NPAS3: variants seen among roughly 807,000 people sequenced by gnomAD.
NPAS3 encodes the protein neuronal PAS domain protein 3.
Under a neutral mutation model 73.1 loss-of-function variants are expected in NPAS3, and 14 were observed. That is an observed-to-expected ratio of 0.19 (90% CI 0.13 to 0.30). The LOEUF (loss-of-function observed/expected upper bound fraction) is 0.30. Among genes scored for constraint, NPAS3 ranks in the 10% least tolerant of loss-of-function variants. The pLI, the probability that NPAS3 is intolerant of heterozygous loss-of-function variation, is 1.00. For synonymous variants in NPAS3, 620 were observed against 541.5 expected, an observed-to-expected ratio of 1.14 and a Z score of -2.01; for missense variants, 1,096 against 1,250.0, an observed-to-expected ratio of 0.88 and a Z score of 1.86.
chr14:33,615,772 G>T (rs1049196223), intron 5 of NPAS3, among the ~76,000 whole-genome samples: 1 of 152,136 alleles, frequency 6.6e-6, no homozygotes, highest in African/African-American at 2.4e-5. Flanking sequence ...TGCATGCTGA[G>T]AATCCCCGTA....
intron 4 of NPAS3, among the ~76,000 whole-genome samples, chr14:33,452,096 C>T (rs1007906295): frequency 2.6e-5 from 4 of 152,162 alleles, no homozygotes; most frequent in Admixed American, 6.5e-5. Context: ...TATCCCAGAA[C>T]CTGGCTGAAG....
Position 33,680,957 on chromosome 14 carries a change from C to T in NPAS3, c.733+4572C>T, listed in dbSNP as rs113441161. Reference sequence around the variant, plus strand: ...TATGATTTTTATGCTATTATACTTACGCTATGTCCCGAATGTTTTTAAGGC... The same window carrying T: ...TATGATTTTTATGCTATTATACTTATGCTATGTCCCGAATGTTTTTAAGGC... On this transcript the variant is annotated intron_variant, in intron 6 of 11. Coordinates refer to ENST00000356141, the Ensembl canonical transcript of NPAS3. 7.1e-3 allele frequency: 2,029 copies of T among 286,314 alleles called. 35 individuals are homozygous for T. The highest frequency in any genetic ancestry group is 0.041 in the African/African-American group (1,863 of 45,786). The allele number at this position is 286,314 out of a possible 1,614,324, so 17.7% of individuals were successfully genotyped here.
chr14:33,371,348 G>T (rs2046079365), intron 4 of NPAS3, among the ~76,000 whole-genome samples: 1 of 152,130 alleles, frequency 6.6e-6, no homozygotes, highest in Non-Finnish European at 1.5e-5. Flanking sequence ...GGTAAAGAAA[G>T]GGTGGGAAAT....
At chr14:33,756,161 C>T (rs1469785813) in intron 7 of NPAS3, among the ~76,000 whole-genome samples, 2 of 151,986 alleles carry the variant, frequency 1.3e-5, no homozygotes, top group African/African-American at 4.8e-5. Flanking sequence ...TTTATGTATC[C>T]CTCTTTGCAT....
In NPAS3 at chr14:33,454,826, A is replaced by T. The variant is rs575791674; in HGVS notation, c.468+87558A>T. Among the ~76,000 whole-genome samples the T allele has an allele frequency of 1.3e-5, 2 of 152,282 alleles. 1 individual carries two copies. Among genetic ancestry groups the T allele is most frequent in the South Asian group, 4.2e-4 (2 of 4,814 alleles). On this transcript the variant is annotated intron_variant, in intron 4 of 11. Transcript: ENST00000356141. ...GTATGTGTATCTGGGGAGAAAAATG[A>T]GGTGATACTGATGGGAGTACCTGTT... is the stretch of plus-strand genomic sequence containing the variant.
intron 7 of NPAS3, among the ~76,000 whole-genome samples, chr14:33,736,534 G>T (rs914245918): frequency 6.6e-6 from 1 of 152,166 alleles, no homozygotes; most frequent in Non-Finnish European, 1.5e-5. Flanking sequence ...AAAGAAAACA[G>T]ACCCTATCCT....
intron 2 of NPAS3, among the ~76,000 whole-genome samples, chr14:33,085,996 T>C (rs1336274661): frequency 6.6e-6 from 1 of 152,146 alleles, no homozygotes; most frequent in Non-Finnish European, 1.5e-5. Flanking sequence ...AGGCATATTG[T>C]CTCTTGGCAT....
At chr14:33,324,562 C>CT (rs2043605255) in intron 3 of NPAS3, among the ~76,000 whole-genome samples, 2 of 152,098 alleles carry the variant, frequency 1.3e-5, no homozygotes, top group Non-Finnish European at 2.9e-5. Context: ...CTGCGAAAAT[C>CT]TTTTGATTAT....
rs188329417 is a variant in NPAS3, at chr14:33,646,295, G to A, written c.559-29916G>A. ...GATATCATATGTACAAAGGAGTAGG[G>A]GAAATGCCATCTATAAGAATAATCC... is the stretch of plus-strand genomic sequence containing the variant. On this transcript the variant is annotated intron_variant, in intron 5 of 11. Coordinates refer to ENST00000356141, the Ensembl canonical transcript of NPAS3. Among the ~76,000 whole-genome samples the A allele has an allele frequency of 1.5e-3, 225 of 152,114 alleles. 1 individual carries two copies. The highest frequency in any genetic ancestry group is 2.7e-3 in the Non-Finnish European group (181 of 68,002).
In NPAS3 at chr14:33,472,024, C is replaced by G. The variant is rs893881385; in HGVS notation, c.469-88097C>G. On this transcript the variant is annotated intron_variant, in intron 4 of 11. Coordinates refer to ENST00000356141, the Ensembl canonical transcript of NPAS3. ...CTAATGGCTGATGATCTGTCACTGT[C>G]TCCCTCTCTGCCCTCATGGAGCTTG... 7.9e-5 allele frequency among the ~76,000 whole-genome samples: 12 copies of G among 152,332 alleles called. No homozygotes were observed. In the East Asian group the frequency reaches 2.3e-3, roughly 29 times the overall value.
rs547915681 is a variant in NPAS3 at position 33,701,864 on chromosome 14, A to C, written c.733+25479A>C. On this transcript the variant is annotated intron_variant, in intron 6 of 11. Transcript: ENST00000356141. ...TTTAACCCAAATTCTGTGTGCAGAG[A>C]TATCTACCAAATGCTTTGGAGGCTA... Among the ~76,000 whole-genome samples, 4 of 151,890 alleles carry C rather than the reference A, an allele frequency of 2.6e-5. No homozygotes were observed. In the South Asian group the frequency reaches 6.2e-4, roughly 24 times the overall value.
In NPAS3 at chr14:33,398,908, TG is replaced by T. The variant is rs1594834831; in HGVS notation, c.468+31641del. Among the ~76,000 whole-genome samples, 13 of 152,248 alleles carry T rather than the reference TG, an allele frequency of 8.5e-5. No individual in the cohort carries two copies. The East Asian group carries it at 2.5e-3, about 29-fold the overall frequency. On this transcript the variant is annotated intron_variant, in intron 4 of 11. Transcript: ENST00000356141. ...CTAAGGGGCTCCTGAGGTTATATTT[TG>T]CTACAATATGAAAATTAATTGTGAC...
At chr14:33,202,412 AAG>A (rs1294746796) in intron 2 of NPAS3, among the ~76,000 whole-genome samples, 7 of 152,200 alleles carry the variant, frequency 4.6e-5, no homozygotes, top group African/African-American at 1.7e-4. Context: ...TAAAAAAAAA[AAG>A]AGAGAAATGT....
intron 3 of NPAS3, among the ~76,000 whole-genome samples, chr14:33,260,670 C>A (rs2048943730): frequency 6.6e-6 from 1 of 152,108 alleles, no homozygotes; most frequent in Admixed American, 6.5e-5. Flanking sequence ...CTGTTTCTCA[C>A]CGATAACAGT....
chr14:33,509,789 T>C (rs1355384716), intron 4 of NPAS3, among the ~76,000 whole-genome samples: 1 of 152,048 alleles, frequency 6.6e-6, no homozygotes, highest in Non-Finnish European at 1.5e-5. Flanking sequence ...TGAAAGCTCT[T>C]TATGACTCTT....
At chr14:33,317,904 A>T (rs2043274953) in intron 3 of NPAS3, among the ~76,000 whole-genome samples, 1 of 152,082 alleles carries the variant, frequency 6.6e-6, no homozygotes, top group African/African-American at 2.4e-5. Flanking sequence ...GAATACCATC[A>T]TTCTTAAATC....
chr14:32,985,149 C>T (rs1934413066), intron 1 of NPAS3, among the ~76,000 whole-genome samples: 1 of 152,072 alleles, frequency 6.6e-6, no homozygotes, highest in Non-Finnish European at 1.5e-5. Flanking sequence ...GCTTGATGTG[C>T]TTATAGTCAG....
intron 5 of NPAS3, among the ~76,000 whole-genome samples, chr14:33,581,661 C>A (rs1379400759): frequency 2.0e-5 from 3 of 152,116 alleles, no homozygotes; most frequent in Non-Finnish European, 4.4e-5. Context: ...GCCTTGACCT[C>A]CCCTGGCTTA....
chr14:33,469,100 C>T (rs1478442994), intron 4 of NPAS3, among the ~76,000 whole-genome samples: 2 of 152,146 alleles, frequency 1.3e-5, no homozygotes, highest in Non-Finnish European at 2.9e-5. Context: ...TAATTAAAGA[C>T]ATTTTCTGAA....
Sources: allele counts gnomAD v4.1 joint callset (sites outside exome capture counted in the v4.1 genomes callset), GRCh38; gene constraint gnomAD v4.1.1; transcripts MANE v1.5; gene names NCBI Gene and HGNC (gene_info 2026-07-23, HGNC 2026-07-21).